The following GHRHR variants were observed in gnomAD, a reference collection of about 807,000 sequenced individuals.
GHRHR encodes growth hormone-releasing hormone receptor.
Under a neutral mutation model 58.3 loss-of-function variants are expected in GHRHR, and 40 were observed. The ratio of observed to expected loss-of-function variants is 0.69; its 90% CI spans 0.53 to 0.89. The LOEUF (loss-of-function observed/expected upper bound fraction) is 0.89, where lower values mean the gene tolerates loss of function less well. Among genes scored for constraint, GHRHR ranks in the 40% least tolerant of loss-of-function variants. GHRHR has a pLI of 0.00. For synonymous variants in GHRHR, 249 were observed against 216.6 expected (o/e 1.15, Z -1.31); for missense variants, 551 against 541.3 (o/e 1.02, Z -0.18).
intron 6 of GHRHR, 120 bp downstream of exon 6, chr7:30,972,215 G>C: frequency 9.9e-7 from 1 of 1,011,814 alleles, no homozygotes; most frequent in East Asian, 2.6e-5. Context: ...CTCCCGCATG[G>C]CCAATTACAG....
chr7:30,975,971 C>T, intron 10 of GHRHR, 103 bp downstream of exon 10: 1 of 751,766 alleles, frequency 1.3e-6, no homozygotes, highest in African/African-American at 1.7e-5. Flanking sequence ...GCCCCATACT[C>T]TTTCTTCCCT....
At position 30,975,811 on chromosome 7, in the gene GHRHR, T is replaced by C. The variant is rs749285757; in HGVS notation, c.917T>C (p.Ile306Thr). 2.5e-6 allele frequency: 4 copies of C among 1,612,256 alleles called. No individual in the cohort carries two copies. The highest frequency in any genetic ancestry group is 4.5e-5 in the East Asian group (2 of 44,880). The change falls in exon 10 of 13, where the codon ATC becomes ACC. Residue 306 changes from isoleucine (I) to threonine (T), a missense_variant. Coordinates refer to ENST00000326139, the MANE Select transcript of GHRHR (RefSeq NM_000823.4). Reference protein sequence around the residue: ...NFGLFLNIIRILVRKLEPAQG... With the variant: ...NFGLFLNIIRTLVRKLEPAQG... Reference sequence around the variant, plus strand: ...GGGCTTTTTCTCAATATTATCCGCATCCTGGTGAGGAAACTGGAGCCAGCT... The same window carrying C: ...GGGCTTTTTCTCAATATTATCCGCACCCTGGTGAGGAAACTGGAGCCAGCT...
intron 1 of GHRHR, among the ~76,000 whole-genome samples, chr7:30,966,022 C>G (rs1178094769): frequency 6.6e-6 from 1 of 152,182 alleles, no homozygotes; most frequent in Non-Finnish European, 1.5e-5. Flanking sequence ...GACATCTGCA[C>G]CCTGGGGCCT....
At chr7:30,965,943 C>A (rs933329940) in intron 1 of GHRHR, among the ~76,000 whole-genome samples, 6 of 152,190 alleles carry the variant, frequency 3.9e-5, no homozygotes, top group Non-Finnish European at 7.3e-5. Flanking sequence ...TTACTGAGTC[C>A]TCGGGAGGAA....
chr7:30,978,630 G>A (rs1178248649), intron 12 of GHRHR, among the ~76,000 whole-genome samples: 6 of 151,808 alleles, frequency 4.0e-5, no homozygotes, highest in East Asian at 3.9e-4. Context: ...CAATCCCACC[G>A]TTCCATCTTG....
At position 30,969,110 on chromosome 7, in the gene GHRHR, T is replaced by C; in HGVS notation, c.208T>C (p.Ser70Pro). 4.4e-6 allele frequency: 7 copies of C among 1,580,378 alleles called. No individual in the cohort carries two copies. The highest frequency in any genetic ancestry group is 6.0e-6 in the Non-Finnish European group (7 of 1,163,104). Reference protein sequence around the residue: ...DGLLCWPTAGSGEWVTLPCPD... With the variant: ...DGLLCWPTAGPGEWVTLPCPD... ...GCTGCTGTGCTGGCCAACGGCAGGCTCTGGCGAGTGGGTCACCCTCCCCTG... is the reference window on the plus strand; with the variant it reads ...GCTGCTGTGCTGGCCAACGGCAGGCCCTGGCGAGTGGGTCACCCTCCCCTG... The change falls in exon 3 of 13, where the codon TCT becomes CCT. Residue 70 changes from serine to proline, a missense_variant. Physicochemically the swap from Ser to Pro is moderately conservative, Grantham distance 74. Coordinates refer to ENST00000326139, the MANE Select transcript of GHRHR (RefSeq NM_000823.4).
At chr7:30,977,888 C>T (rs1792618239) in intron 12 of GHRHR, among the ~76,000 whole-genome samples, 1 of 152,220 alleles carries the variant, frequency 6.6e-6, no homozygotes, top group African/African-American at 2.4e-5. Context: ...GATGGTGCTG[C>T]TGCACATGTG....
At chr7:30,969,575 T>C in intron 3 of GHRHR, 1 of 603,842 alleles carries the variant, frequency 1.7e-6, no homozygotes, top group Admixed American at 2.9e-5. Context: ...GGGCCTCTTT[T>C]CTCCCTACTG....
In GHRHR at chr7:30,968,829, A is replaced by T; in HGVS notation, c.58-5A>T. Reference sequence around the variant, plus strand: ...TTGGCTCATCCTGTTCACTGTTTCCAGCAGGTATTGGGCCACATGCACCCA... The same window carrying T: ...TTGGCTCATCCTGTTCACTGTTTCCTGCAGGTATTGGGCCACATGCACCCA... On this transcript the variant is annotated splice_region_variant and splice_polypyrimidine_tract_variant and intron_variant, in intron 1 of 12. Transcript: ENST00000326139. 1 of 1,606,476 alleles carries T rather than the reference A, an allele frequency of 6.2e-7. No individual in the cohort carries two copies. Among genetic ancestry groups the T allele is most frequent in the Non-Finnish European group, 8.5e-7 (1 of 1,173,168 alleles).
intron 10 of GHRHR, among the ~76,000 whole-genome samples, chr7:30,976,182 T>G (rs1260925469): frequency 6.6e-6 from 1 of 152,046 alleles, no homozygotes; most frequent in East Asian, 1.9e-4. Context: ...GGAAGTGGTT[T>G]TGATCCACAC....
chr7:30,977,593 G>A (rs917075830), intron 12 of GHRHR, among the ~76,000 whole-genome samples: 3 of 152,154 alleles, frequency 2.0e-5, no homozygotes, highest in African/African-American at 4.8e-5. Context: ...GATAAGGAGG[G>A]GGATTAGGGT....
At chr7:30,968,119 A>G (rs58371584) in intron 1 of GHRHR, among the ~76,000 whole-genome samples, 18,701 of 152,168 alleles carry the variant, frequency 0.12, 2,154 homozygotes, top group African/African-American at 0.3. Context: ...CGATTACATC[A>G]GGCCTACTCA....
chr7:30,967,602 T>TCCAA (rs149856898), intron 1 of GHRHR, among the ~76,000 whole-genome samples: 8 of 151,646 alleles, frequency 5.3e-5, no homozygotes, highest in African/African-American at 9.7e-5. Flanking sequence ...GTCATCTGTC[T>TCCAA]ATCCATCCAT....
chr7:30,969,216 C>A, intron 3 of GHRHR, 46 bp downstream of exon 3: 1 of 1,255,416 alleles, frequency 8.0e-7, no homozygotes, highest in Non-Finnish European at 1.1e-6. Flanking sequence ...GTGCTTTCAT[C>A]TGGAAGTGGC....
chr7:30,976,580 CTT>C, intron 11 of GHRHR, 22 bp downstream of exon 11: 1 of 1,610,146 alleles, frequency 6.2e-7, no homozygotes, highest in Non-Finnish European at 8.5e-7. Context: ...CACAGGCACT[CTT>C]TCTTTCCATT....
chr7:30,970,581 T>G (rs1792461758), intron 4 of GHRHR, among the ~76,000 whole-genome samples: 1 of 152,238 alleles, frequency 6.6e-6, no homozygotes, highest in Non-Finnish European at 1.5e-5. Flanking sequence ...ACAGGAGAGC[T>G]GGGATTGGGG....
At chr7:30,970,966 G>T in intron 4 of GHRHR, 153 bp from the exon 5 acceptor site, 1 of 692,750 alleles carries the variant, frequency 1.4e-6, no homozygotes, top group South Asian at 1.5e-5. Context: ...CCAGTGCACA[G>T]GGGGAGCTTT....
intron 8 of GHRHR, among the ~76,000 whole-genome samples, 167 bp downstream of exon 8, chr7:30,974,656 G>A (rs1364739173): frequency 1.3e-5 from 2 of 152,082 alleles, no homozygotes; most frequent in Admixed American, 1.3e-4. Flanking sequence ...AGGGGCATGA[G>A]CCAGGCAGGA....
chr7:30,964,796 G>C (rs1477670403), intron 1 of GHRHR, among the ~76,000 whole-genome samples: 1 of 152,198 alleles, frequency 6.6e-6, no homozygotes, highest in East Asian at 1.9e-4. Context: ...GGCATCAGGA[G>C]AGAGGGCCCT....
Sources: allele counts gnomAD v4.1 joint callset (sites outside exome capture counted in the v4.1 genomes callset), GRCh38; gene constraint gnomAD v4.1.1; transcripts MANE v1.5; gene names NCBI Gene and HGNC (gene_info 2026-07-23, HGNC 2026-07-21).